The following GON4L variants were observed in gnomAD, a reference collection of about 807,000 sequenced individuals.
GON4L encodes gon-4 like, also known as GON-4-like protein.
GON4L carries 87 observed loss-of-function variants against 211.8 expected under a neutral mutation model. The observed-to-expected ratio is 0.41, with a 90% CI of 0.35 to 0.49. The LOEUF is 0.49. Among genes scored for constraint, GON4L ranks in the 20% least tolerant of loss-of-function variants. GON4L has a pLI of 0.15. For missense variants in GON4L, 2,155 were observed against 2,659.5 expected, an observed-to-expected ratio of 0.81 and a Z score of 4.17; for synonymous variants, 875 against 962.6, an observed-to-expected ratio of 0.91 and a Z score of 1.68.
At chr1:155,779,115 G>A (rs1046926388) in intron 14 of GON4L, among the ~76,000 whole-genome samples, 4 of 151,428 alleles carry the variant, frequency 2.6e-5, no homozygotes, top group Non-Finnish European at 4.4e-5. Context: ...TTAGCTGGGC[G>A]CAGTCGTGGG....
intron 8 of GON4L, among the ~76,000 whole-genome samples, chr1:155,815,122 T>C (rs879797693): frequency 6.6e-6 from 1 of 151,060 alleles, no homozygotes; most frequent in African/African-American, 2.4e-5. Flanking sequence ...ATCCTAAAGG[T>C]GGGGACAGGG....
At chr1:155,809,371 A>G (rs1667466405) in intron 10 of GON4L, among the ~76,000 whole-genome samples, 1 of 151,992 alleles carries the variant, frequency 6.6e-6, no homozygotes, top group Non-Finnish European at 1.5e-5. Flanking sequence ...TGTCTTCTAC[A>G]CTGTTGTTTC....
chr1:155,821,450 A>T (rs754609023), intron 5 of GON4L, 24 bp downstream of exon 5: 2 of 1,427,892 alleles, frequency 1.4e-6, no homozygotes, highest in East Asian at 4.6e-5. Flanking sequence ...CAAGACATTA[A>T]AAGAGTGATA....
In GON4L at chr1:155,758,045, G is replaced by A; in HGVS notation, c.5110-11C>T. ...CTGCTGCTCCTCAAACTACCAGAGTGGAAAGTGGGCAAAAGAGGAGTCATG... is the reference window on the plus strand; with the variant it reads ...CTGCTGCTCCTCAAACTACCAGAGTAGAAAGTGGGCAAAAGAGGAGTCATG... On this transcript the variant is annotated splice_polypyrimidine_tract_variant and intron_variant, in intron 24 of 31. Coordinates refer to ENST00000368331, the MANE Select transcript of GON4L (RefSeq NM_001282860.2). 2.8e-6 allele frequency: 1 copy of A among 359,388 alleles called. No homozygotes were observed. The highest frequency in any genetic ancestry group is 4.9e-6 in the Non-Finnish European group (1 of 203,920). The allele number at this position is 359,388 out of a possible 1,614,324, so 22.3% of individuals were successfully genotyped here.
intron 2 of GON4L, chr1:155,831,593 T>A (rs957474647): frequency 6.6e-6 from 1 of 151,958 alleles, no homozygotes; most frequent in Admixed American, 6.6e-5. Context: ...CCAGGAATTG[T>A]AGGTTGCAGT....
chr1:155,799,395 T>C (rs1029005203), intron 11 of GON4L, among the ~76,000 whole-genome samples: 5 of 152,100 alleles, frequency 3.3e-5, no homozygotes, highest in East Asian at 3.8e-4. Context: ...GATCACACCA[T>C]TGTACTCCAG....
chr1:155,750,762 G>A, intron 31 of GON4L, 29 bp from the exon 32 acceptor site: 1 of 1,552,932 alleles, frequency 6.4e-7, no homozygotes, highest in Non-Finnish European at 8.7e-7. Flanking sequence ...TGTATTCACT[G>A]GTCTTTTTTT....
At chr1:155,807,726 GAAAA>G (rs367962274) in intron 10 of GON4L, among the ~76,000 whole-genome samples, 2 of 74,792 alleles carry the variant, frequency 2.7e-5, no homozygotes, top group African/African-American at 8.4e-5. Flanking sequence ...AAAAAAAAAA[GAAAA>G]TCAGAAAGTG....
rs960842603 is a variant in GON4L at position 155,752,362 on chromosome 1, C to T, written c.6071G>A (p.Ser2024Asn). The stretch of plus-strand genomic sequence containing the variant: ...GACCAGCATCAAAGCCTCTGACTCA[C>T]TCACTGCCTTTTGGCCCTCCCTCTC... Reference protein sequence around the residue: ...QKEREGQKAVSESEALMLVWD... With the variant: ...QKEREGQKAVNESEALMLVWD... Residue 2024 changes from serine to asparagine, a missense_variant, in exon 30 of 32, where the codon AGT becomes AAT. By Grantham distance (46) the Ser-to-Asn change is conservative (BLOSUM62 1). Around this residue, in one of 6 missense-constraint regions of GON4L, gnomAD observed 186 missense variants for 308.1 expected, o/e 0.60. Transcript: ENST00000368331. 7 of 1,600,948 alleles carry T rather than the reference C, an allele frequency of 4.4e-6. No individual in the cohort carries two copies. The African/African-American group carries it at 6.7e-5, about 15-fold the overall frequency.
intron 4 of GON4L, 109 bp from the exon 5 acceptor site, chr1:155,821,657 T>C: frequency 1.4e-6 from 1 of 729,264 alleles, no homozygotes; most frequent in Non-Finnish European, 2.5e-6. Flanking sequence ...GAGAACCATA[T>C]ACTCGAATAG....
rs570714192 is a variant in GON4L, at chr1:155,793,542, CT to C, written c.1747+1507del. On this transcript the variant is annotated intron_variant, in intron 12 of 31. Transcript: ENST00000368331. ...CTTATGAAATATATTTTTTATTTTT[CT>C]TTCTCCCCATAGGTAGAATTTCTTC... Among the ~76,000 whole-genome samples, 599 of 152,198 alleles carry C rather than the reference CT, an allele frequency of 3.9e-3. 3 individuals are homozygous for C. The highest frequency in any genetic ancestry group is 0.013 in the African/African-American group (555 of 41,538).
chr1:155,818,313 T>C (rs1449169707), intron 6 of GON4L, among the ~76,000 whole-genome samples: 6 of 152,112 alleles, frequency 3.9e-5, no homozygotes, highest in Admixed American at 2.0e-4. Context: ...GGTTTCGCCA[T>C]GTTGGCCAGG....
chr1:155,805,177 G>C (rs1266930034), intron 10 of GON4L, 36 bp from the exon 11 acceptor site: 2 of 1,418,094 alleles, frequency 1.4e-6, no homozygotes, highest in African/African-American at 2.8e-5. Context: ...CTGAGTGAGT[G>C]ATGTTTCCAA....
At chr1:155,856,162 A>T (rs1325220357) in intron 1 of GON4L, among the ~76,000 whole-genome samples, 3 of 152,072 alleles carry the variant, frequency 2.0e-5, no homozygotes, top group Non-Finnish European at 2.9e-5. Context: ...ACTGAAAAAT[A>T]AAAGTTATTT....
rs562521044 is a variant in GON4L at position 155,841,679 on chromosome 1, G to A, written c.505+11597C>T. 9.2e-5 allele frequency among the ~76,000 whole-genome samples: 14 copies of A among 152,334 alleles called. No individual in the cohort carries two copies. The South Asian group carries it at 2.9e-3, about 32-fold the overall frequency. ...CAAGGGACATGAGGGACCTGGGGCA[G>A]GTAGCACACCACCTCAGCATTGGTA... On this transcript the variant is annotated intron_variant, in intron 2 of 31. Coordinates refer to ENST00000368331, the MANE Select transcript of GON4L (RefSeq NM_001282860.2).
At chr1:155,830,517 T>C (rs1669657387) in intron 2 of GON4L, among the ~76,000 whole-genome samples, 3 of 152,074 alleles carry the variant, frequency 2.0e-5, no homozygotes, top group Non-Finnish European at 4.4e-5. Flanking sequence ...CCTCAGGTGA[T>C]CCGCCCACCT....
At chr1:155,792,831 G>A (rs939448145) in intron 12 of GON4L, among the ~76,000 whole-genome samples, 3 of 152,048 alleles carry the variant, frequency 2.0e-5, no homozygotes, top group South Asian at 4.1e-4. Flanking sequence ...ATCTCTGCTC[G>A]CTACAGCCTC....
rs1325666701 is a variant in GON4L at position 155,763,391 on chromosome 1, A to G, written c.4647T>C (p.Val1549=). The part of the protein sequence containing the change: ...QKEDEMTDEA[V]GDSAEKPPTF... ...TAGGAGGCTTCTCAGCAGAGTCTCC[A>G]ACTGCTTCATCCGTCATTTCATCCT... Residue 1549 remains valine, a synonymous_variant, in exon 22 of 32, where the codon GTT becomes GTC. Transcript: ENST00000368331. 2.7e-5 allele frequency: 43 copies of G among 1,609,896 alleles called. No individual in the cohort carries two copies. The highest frequency in any genetic ancestry group is 3.5e-5 in the Non-Finnish European group (41 of 1,178,114).
rs1405386512 is a variant in GON4L, at chr1:155,751,790, G to A, written c.6553C>T (p.Leu2185=). ...ACCTCAGCAGGGGTCTTATTTCCCA[G>A]CTGCTGGGAGATGATGTTGAAGGTC... The part of the protein sequence containing the change: ...PQTFNIISQQ[L]GNKTPAEVSH... The change falls in exon 31 of 32, where the codon CTG becomes TTG. Residue 2185 remains leucine, a synonymous_variant. Coordinates refer to ENST00000368331, the MANE Select transcript of GON4L (RefSeq NM_001282860.2). 1.2e-6 allele frequency: 2 copies of A among 1,613,384 alleles called. No individual in the cohort carries two copies. The highest frequency in any genetic ancestry group is 1.7e-6 in the Non-Finnish European group (2 of 1,179,580).
Sources: allele counts gnomAD v4.1 joint callset (sites outside exome capture counted in the v4.1 genomes callset), GRCh38; gene constraint gnomAD v4.1.1; regional missense constraint gnomAD v4.1.1; transcripts MANE v1.5; gene names NCBI Gene and HGNC (gene_info 2026-07-23, HGNC 2026-07-21).